Variants in VEPH1 observed in about 807,000 individuals in gnomAD.
VEPH1 encodes ventricular zone expressed PH domain containing 1.
In VEPH1, 80 loss-of-function variants were observed where a neutral mutation model predicts 85.2. That is an observed-to-expected ratio of 0.94 (90% CI 0.78 to 1.13). The LOEUF is 1.13. Ranked by LOEUF, VEPH1 falls within the 50% of genes most tolerant of loss-of-function variation. VEPH1 has a pLI of 0.00. For synonymous variants in VEPH1, 297 were observed against 348.0 expected, an observed-to-expected ratio of 0.85 and a Z score of 1.63; for missense variants, 955 against 980.5, an observed-to-expected ratio of 0.97 and a Z score of 0.35.
intron 6 of VEPH1, among the ~76,000 whole-genome samples, chr3:157,382,448 G>T (rs539005715): frequency 6.6e-6 from 1 of 152,074 alleles, no homozygotes; most frequent in African/African-American, 2.4e-5. Context: ...TATTGAAAAG[G>T]TTATTTGAAA....
chr3:157,404,723 G>GTCT (rs1254952875), intron 6 of VEPH1, among the ~76,000 whole-genome samples: 2 of 152,148 alleles, frequency 1.3e-5, no homozygotes, highest in Admixed American at 6.5e-5. Flanking sequence ...TACGCCATGT[G>GTCT]TCTTAGCAGA....
At chr3:157,475,295 T>G (rs1447140692) in intron 2 of VEPH1, among the ~76,000 whole-genome samples, 5 of 152,008 alleles carry the variant, frequency 3.3e-5, no homozygotes, top group Non-Finnish European at 1.5e-5. Context: ...GTCCAGCCTA[T>G]TTTTACATTT....
intron 3 of VEPH1, among the ~76,000 whole-genome samples, chr3:157,468,434 G>A (rs1457773532): frequency 1.3e-5 from 2 of 152,138 alleles, no homozygotes; most frequent in African/African-American, 2.4e-5. Flanking sequence ...AATTAGCCAC[G>A]TGTGGTGGCA....
At chr3:157,477,583 T>C (rs986797597) in intron 2 of VEPH1, among the ~76,000 whole-genome samples, 5 of 152,138 alleles carry the variant, frequency 3.3e-5, no homozygotes, top group Non-Finnish European at 5.9e-5. Context: ...GGGCACAAAG[T>C]ATAAACATCT....
At chr3:157,313,566 T>A in intron 11 of VEPH1, 55 bp downstream of exon 11, 1 of 1,575,280 alleles carries the variant, frequency 6.3e-7, no homozygotes, top group Non-Finnish European at 8.6e-7. Context: ...GGGAAACTGT[T>A]TCAAGACAAT....
chr3:157,268,828 A>C (rs917924546), intron 12 of VEPH1, among the ~76,000 whole-genome samples: 1 of 152,032 alleles, frequency 6.6e-6, no homozygotes, highest in Non-Finnish European at 1.5e-5. Context: ...GCTCACTGCA[A>C]CCTCTGCCTC....
At chr3:157,391,476 T>C (rs1729847696) in intron 6 of VEPH1, among the ~76,000 whole-genome samples, 1 of 152,182 alleles carries the variant, frequency 6.6e-6, no homozygotes, top group Admixed American at 6.5e-5. Context: ...CTGGGACTGA[T>C]GGCGGGATGC....
At chr3:157,409,233 C>G (rs751339599) in intron 6 of VEPH1, among the ~76,000 whole-genome samples, 7 of 152,076 alleles carry the variant, frequency 4.6e-5, no homozygotes, top group African/African-American at 7.2e-5. Context: ...GCAACCTTCT[C>G]ATTTGAGAAA....
intron 11 of VEPH1, among the ~76,000 whole-genome samples, chr3:157,304,038 TACACAC>T (rs58708932): frequency 4.5e-4 from 43 of 96,568 alleles, no homozygotes; most frequent in East Asian, 1.5e-3. Context: ...TATATATATA[TACACAC>T]ATACTGTTAC....
intron 11 of VEPH1, among the ~76,000 whole-genome samples, chr3:157,304,809 A>G (rs1014645906): frequency 6.6e-6 from 1 of 152,196 alleles, no homozygotes; most frequent in Non-Finnish European, 1.5e-5. Flanking sequence ...AACTAGAGCT[A>G]TATCATTAAC....
At position 157,286,571 on chromosome 3, in the gene VEPH1, G is replaced by A. The variant is rs769098759; in HGVS notation, c.2114C>T (p.Pro705Leu). 2 of 1,613,980 alleles carry A rather than the reference G, an allele frequency of 1.2e-6. No homozygotes were observed. The highest frequency in any genetic ancestry group is 1.7e-5 in the Admixed American group (1 of 60,012). The change falls in exon 12 of 14, where the codon CCT becomes CTT. Residue 705 changes from proline to leucine, a missense_variant. By Grantham distance (98) the Pro-to-Leu change is moderately conservative. Coordinates refer to ENST00000362010, the MANE Select transcript of VEPH1 (RefSeq NM_001167912.2). ...GGGTCTCTCACCAGTTGCTTTCTCA[G>A]GATTGTTGCACATGAAGCATTGCCA... ...GAWQCFMCNN[P>L]EKATVVNQDG...
chr3:157,358,631 G>A (rs542819092), intron 9 of VEPH1, among the ~76,000 whole-genome samples: 1 of 152,298 alleles, frequency 6.6e-6, no homozygotes, highest in African/African-American at 2.4e-5. Context: ...CAACACTGAG[G>A]TGGACTTGAC....
intron 9 of VEPH1, among the ~76,000 whole-genome samples, chr3:157,351,374 C>T (rs538247408): frequency 3.9e-5 from 6 of 152,042 alleles, no homozygotes; most frequent in Non-Finnish European, 8.8e-5. Flanking sequence ...TGAACATTCA[C>T]GAACATCACT....
At chr3:157,298,214 A>G (rs73873630) in intron 11 of VEPH1, among the ~76,000 whole-genome samples, 15,017 of 152,194 alleles carry the variant, frequency 0.099, 1,094 homozygotes, top group African/African-American at 0.21. Flanking sequence ...TAACAACCCT[A>G]TGAGGGAGGT....
chr3:157,422,089 T>C (rs1346095029), intron 5 of VEPH1, among the ~76,000 whole-genome samples: 1 of 152,188 alleles, frequency 6.6e-6, no homozygotes, highest in Non-Finnish European at 1.5e-5. Flanking sequence ...CTTGATTCTT[T>C]AGTGTGTTGA....
intron 9 of VEPH1, among the ~76,000 whole-genome samples, chr3:157,359,789 A>G: frequency 6.6e-6 from 1 of 152,212 alleles, no homozygotes; most frequent in East Asian, 1.9e-4. Flanking sequence ...TTATATGTCA[A>G]AACAGTCTAA....
intron 9 of VEPH1, among the ~76,000 whole-genome samples, chr3:157,352,653 G>C (rs921777173): frequency 1.3e-5 from 2 of 152,180 alleles, no homozygotes; most frequent in African/African-American, 4.8e-5. Flanking sequence ...CTTTACATTG[G>C]AGATACAAAA....
chr3:157,487,209 TG>T (rs1157974247), intron 2 of VEPH1, among the ~76,000 whole-genome samples: 2 of 152,020 alleles, frequency 1.3e-5, no homozygotes, highest in Non-Finnish European at 2.9e-5. Flanking sequence ...CCTATACAGA[TG>T]ATCAATAAAT....
intron 10 of VEPH1, among the ~76,000 whole-genome samples, chr3:157,315,599 C>T (rs1272958073): frequency 6.6e-6 from 1 of 151,794 alleles, no homozygotes; most frequent in African/African-American, 2.4e-5. Context: ...TTTATTTACC[C>T]GAAAGCCAGA....
Sources: allele counts gnomAD v4.1 joint callset (sites outside exome capture counted in the v4.1 genomes callset), GRCh38; gene constraint gnomAD v4.1.1; transcripts MANE v1.5; gene names NCBI Gene and HGNC (gene_info 2026-07-23, HGNC 2026-07-21).